Variants in MS4A10 observed in about 807,000 individuals in gnomAD.
MS4A10 encodes the protein membrane-spanning 4-domains subfamily A member 10.
A neutral mutation model predicts 27.7 loss-of-function variants in MS4A10; 27 were observed. That is an observed-to-expected ratio of 0.98 (90% CI 0.72 to 1.35). MS4A10 has a LOEUF of 1.35. Ranked by LOEUF, MS4A10 falls within the 40% of genes most tolerant of loss-of-function variation. The pLI, the probability that MS4A10 is intolerant of heterozygous loss-of-function variation, is 0.00. For missense variants in MS4A10, 338 were observed against 324.7 expected (o/e 1.04, Z -0.32); for synonymous variants, 139 against 131.2 (o/e 1.06, Z -0.41).
intron 1 of MS4A10, among the ~76,000 whole-genome samples, chr11:60,789,316 C>T (rs541295319): frequency 2.0e-4 from 30 of 152,326 alleles, no homozygotes; most frequent in African/African-American, 7.0e-4. Context: ...TGCAAGCCAG[C>T]TCCCTTTCTT....
chr11:60,789,495 C>A (rs192418961), intron 1 of MS4A10, among the ~76,000 whole-genome samples: 1 of 152,296 alleles, frequency 6.6e-6, no homozygotes, highest in Non-Finnish European at 1.5e-5. Flanking sequence ...TCCCCAACTC[C>A]TTTTTGTGCC....
At chr11:60,785,860 G>A (rs553198644) in intron 1 of MS4A10, among the ~76,000 whole-genome samples, 26 of 152,184 alleles carry the variant, frequency 1.7e-4, no homozygotes, top group East Asian at 3.9e-4. Context: ...CGAGGGCCAC[G>A]AGGGGGCAGG....
At chr11:60,786,321 A>C (rs2134746260) in intron 1 of MS4A10, among the ~76,000 whole-genome samples, 1 of 152,134 alleles carries the variant, frequency 6.6e-6, no homozygotes, top group South Asian at 2.1e-4. Flanking sequence ...TCCCATGGAC[A>C]CATCTTACTC....
intron 5 of MS4A10, 40 bp from the exon 6 acceptor site, chr11:60,795,515 G>T: frequency 1.4e-6 from 2 of 1,390,564 alleles, no homozygotes; most frequent in Non-Finnish European, 1.9e-6. Flanking sequence ...CAGACACCCA[G>T]CGAGGCCTCA....
In MS4A10 at chr11:60,798,411, C is replaced by A; in HGVS notation, c.619C>A (p.Leu207Ile). The change falls in exon 7 of 8, where the codon CTT becomes ATT. Residue 207 changes from leucine (L) to isoleucine (I), a missense_variant. Transcript: ENST00000308287. Reference protein sequence around the residue: ...CPSAKNDDACLVPNTPLHLKG... With the variant: ...CPSAKNDDACIVPNTPLHLKG... ...TCTTTCGCAGAATGATGATGCATGC[C>A]TTGTTCCGAATACACCATTGCATCT... is the stretch of plus-strand genomic sequence containing the variant. 3 of 1,613,892 alleles carry A rather than the reference C, an allele frequency of 1.9e-6. No homozygotes were observed. The highest frequency in any genetic ancestry group is 4.5e-5 in the East Asian group (2 of 44,880).
At chr11:60,790,655 G>T in intron 2 of MS4A10, 137 bp downstream of exon 2, 1 of 1,015,780 alleles carries the variant, frequency 9.8e-7, no homozygotes, top group Non-Finnish European at 1.4e-6. Flanking sequence ...CATCTGAACT[G>T]GAAAAGGCCT....
In MS4A10 at chr11:60,800,867, C is replaced by G. The variant is rs1854624371; in HGVS notation, c.*958C>G. On this transcript the variant is annotated 3_prime_UTR_variant, in exon 8 of 8. Transcript: ENST00000308287. The stretch of plus-strand genomic sequence containing the variant: ...GGAGTGCTGTGGTGCAATCTCGGCT[C>G]ACTGCAACCTCTGCCTCCCGAGTTC... 6.9e-6 allele frequency: 1 copy of G among 145,708 alleles called. No individual in the cohort carries two copies. Among genetic ancestry groups the G allele is most frequent in the Non-Finnish European group, 1.5e-5 (1 of 66,876 alleles). The allele number at this position is 145,708 out of a possible 1,614,324, so 9.0% of individuals were successfully genotyped here.
At chr11:60,792,189 T>C in intron 3 of MS4A10, 76 bp from the exon 4 acceptor site, 3 of 1,145,544 alleles carry the variant, frequency 2.6e-6, no homozygotes, top group Non-Finnish European at 4.0e-6. Flanking sequence ...TCTTGGAGAA[T>C]AGGGGTGGGG....
Position 60,798,488 on chromosome 11 carries a change from C to T in MS4A10, c.696C>T (p.Gly232=), listed in dbSNP as rs767824991. 2.9e-5 allele frequency: 46 copies of T among 1,613,838 alleles called. 1 individual carries two copies. The African/African-American group carries it at 3.7e-4, about 13-fold the overall frequency. The part of the protein sequence containing the change: ...PPPSYQSVIQ[G]DAQHKQHQRL... ...CATCCTACCAGAGTGTGATTCAAGG[C>T]GACGCACAACACAAGCAACATCAGA... Residue 232 remains glycine (G), a synonymous_variant, in exon 7 of 8, where the codon GGC becomes GGT. Coordinates refer to ENST00000308287, the MANE Select transcript of MS4A10 (RefSeq NM_206893.4).
In MS4A10 at chr11:60,792,287, C is replaced by G. The variant is rs770181560; in HGVS notation, c.326C>G (p.Ala109Gly). 33 of 1,613,194 alleles carry G rather than the reference C, an allele frequency of 2.0e-5. No homozygotes were observed. Among genetic ancestry groups the G allele is most frequent in the Non-Finnish European group, 2.6e-5 (31 of 1,179,406 alleles). ...AASFLISGIL[A>G]ITMKTFSKTY... ...CAGTTTCTCATTTCAGGGATCTTGG[C>G]GATAACAATGAAGACCTTTTCTAAA... Residue 109 changes from alanine (A) to glycine (G), a missense_variant, in exon 4 of 8, where the codon GCG (alanine) becomes GGG (glycine). By Grantham distance (60) the Ala-to-Gly change is moderately conservative. Transcript: ENST00000308287.
In MS4A10 at chr11:60,794,070, G is replaced by C; in HGVS notation, c.459G>C (p.Glu153Asp). Reference protein sequence around the residue: ...SKDLFLESPFESPIWRMYPNS... With the variant: ...SKDLFLESPFDSPIWRMYPNS... ...ATCTCTTTCTGGAGAGCCCATTTGA[G>C]TCCCCGATCTGGAGAATGTACCCCA... Residue 153 changes from glutamate (E) to aspartate (D), a missense_variant, in exon 5 of 8, where the codon GAG becomes GAC. Physicochemically the swap from Glu to Asp is conservative, Grantham distance 45. Transcript: ENST00000308287. 6.2e-7 allele frequency: 1 copy of C among 1,614,148 alleles called. No individual in the cohort carries two copies. The highest frequency in any genetic ancestry group is 1.7e-4 in the Middle Eastern group (1 of 6,036).
chr11:60,787,006 C>T (rs1854351628), intron 1 of MS4A10, among the ~76,000 whole-genome samples: 1 of 152,208 alleles, frequency 6.6e-6, no homozygotes, highest in Non-Finnish European at 1.5e-5. Flanking sequence ...GGGCCGTGCC[C>T]ACTCTGCTGC....
At chr11:60,788,668 T>A (rs1854377610) in intron 1 of MS4A10, among the ~76,000 whole-genome samples, 1 of 152,216 alleles carries the variant, frequency 6.6e-6, no homozygotes, top group African/African-American at 2.4e-5. Flanking sequence ...CATACAGCAC[T>A]GTGTCTATGA....
At chr11:60,790,671 A>G (rs1854414813) in intron 2 of MS4A10, among the ~76,000 whole-genome samples, 153 bp downstream of exon 2, 2 of 152,206 alleles carry the variant, frequency 1.3e-5, no homozygotes, top group Admixed American at 6.5e-5. Context: ...GGCCTTGAAG[A>G]TTGGAGAGAA....
At chr11:60,789,085 C>T (rs1174478654) in intron 1 of MS4A10, among the ~76,000 whole-genome samples, 1 of 152,216 alleles carries the variant, frequency 6.6e-6, no homozygotes, top group Non-Finnish European at 1.5e-5. Flanking sequence ...GTCACCTGGG[C>T]TATTTGTCCC....
At chr11:60,794,273 G>C (rs1438311129) in intron 5 of MS4A10, among the ~76,000 whole-genome samples, 170 bp downstream of exon 5, 1 of 152,202 alleles carries the variant, frequency 6.6e-6, no homozygotes, top group Middle Eastern at 3.2e-3. Flanking sequence ...GGAAAGGTGG[G>C]TGCTGGGCTG....
chr11:60,789,958 A>T (rs965536012), intron 1 of MS4A10, among the ~76,000 whole-genome samples: 1 of 152,106 alleles, frequency 6.6e-6, no homozygotes, highest in African/African-American at 2.4e-5. Flanking sequence ...CTGTTTACAA[A>T]GCCCCTCCAT....
intron 1 of MS4A10, among the ~76,000 whole-genome samples, chr11:60,789,433 C>G (rs1854390425): frequency 6.6e-6 from 1 of 152,338 alleles, no homozygotes. Flanking sequence ...TCAGTATACA[C>G]TATACCAGGC....
intron 1 of MS4A10, among the ~76,000 whole-genome samples, chr11:60,785,658 G>T (rs1248774232): frequency 6.6e-6 from 1 of 152,134 alleles, no homozygotes; most frequent in African/African-American, 2.4e-5. Flanking sequence ...AGAATGGGTG[G>T]CCCACCCAGC....
Sources: allele counts gnomAD v4.1 joint callset (sites outside exome capture counted in the v4.1 genomes callset), GRCh38; gene constraint gnomAD v4.1.1; transcripts MANE v1.5; gene names NCBI Gene and HGNC (gene_info 2026-07-23, HGNC 2026-07-21).